Variants in ABCB10 observed in about 807,000 individuals in gnomAD.
The protein encoded by ABCB10 is ATP-binding cassette sub-family B member 10, mitochondrial.
Under a neutral mutation model 65.4 loss-of-function variants are expected in ABCB10, and 54 were observed. The observed-to-expected ratio is 0.83, with a 90% CI of 0.66 to 1.04. The LOEUF (loss-of-function observed/expected upper bound fraction) is 1.04. Among genes scored for constraint, ABCB10 ranks in the 50% least tolerant of loss-of-function variants. The pLI is 0.00. For synonymous variants in ABCB10, 418 were observed against 406.5 expected (o/e 1.03, Z -0.34); for missense variants, 846 against 976.6 (o/e 0.87, Z 1.78).
chr1:229,521,647 AAC>A lies in ABCB10; in HGVS notation c.1907-14_1907-13del, dbSNP rs1662318892. On this transcript the variant is annotated splice_polypyrimidine_tract_variant and intron_variant, in intron 10 of 12. Transcript: ENST00000344517. ...CTGTTTCTGCCCACCTGACAAAGAC[AAC>A]ATTTAAAAAAAGAAGGCCTCAACAA... is the stretch of plus-strand genomic sequence containing the variant. 1.2e-6 allele frequency: 2 copies of A among 1,612,988 alleles called. No individual in the cohort carries two copies. The highest frequency in any genetic ancestry group is 2.7e-5 in the African/African-American group (2 of 74,908).
Position 229,558,224 on chromosome 1 carries a change from G to A in ABCB10, c.429C>T (p.Asp143=), listed in dbSNP as rs772907689. 7.3e-7 allele frequency: 1 copy of A among 1,373,968 alleles called. No individual in the cohort carries two copies. The highest frequency in any genetic ancestry group is 9.4e-7 in the Non-Finnish European group (1 of 1,065,922). The allele number at this position is 1,373,968 out of a possible 1,614,324, so 85.1% of individuals were successfully genotyped here. A position where few individuals can be genotyped will look rare whatever the true frequency, so the allele number is the denominator to read the frequency against. Reference sequence around the variant, plus strand: ...CCGCTGCGGGGCGCAGCCGCCCCTTGTCCCCGGGAGGCGCCGCCGGCCCGC... The same window carrying A: ...CCGCTGCGGGGCGCAGCCGCCCCTTATCCCCGGGAGGCGCCGCCGGCCCGC... ...WRRGPAAPPG[D]KGRLRPAAAG... Residue 143 remains aspartate, a synonymous_variant, in exon 1 of 13, where the codon GAC becomes GAT. Transcript: ENST00000344517.
At chr1:229,530,145 TG>T (rs1352597669) in intron 8 of ABCB10, 53 bp downstream of exon 8, 1 of 1,579,860 alleles carries the variant, frequency 6.3e-7, no homozygotes, top group Non-Finnish European at 8.7e-7. Context: ...GGCGCAAAAG[TG>T]GGAGCAGAGC....
chr1:229,545,509 T>C (rs1662946117), intron 3 of ABCB10, among the ~76,000 whole-genome samples: 2 of 152,226 alleles, frequency 1.3e-5, no homozygotes, highest in South Asian at 2.1e-4. Context: ...GACTGAGACA[T>C]TGACTTTTTA....
At chr1:229,524,459 G>A (rs763810650) in intron 10 of ABCB10, among the ~76,000 whole-genome samples, 2 of 151,926 alleles carry the variant, frequency 1.3e-5, no homozygotes, top group Non-Finnish European at 2.9e-5. Context: ...CACCATGCCC[G>A]GCCAGGAACT....
chr1:229,544,772 G>GC (rs1441453783), intron 3 of ABCB10, among the ~76,000 whole-genome samples: 1 of 152,178 alleles, frequency 6.6e-6, no homozygotes, highest in East Asian at 1.9e-4. Context: ...TAAGTGTGGG[G>GC]CCATGATCCA....
chr1:229,519,943 T>G (rs1487059982), intron 11 of ABCB10, among the ~76,000 whole-genome samples: 1 of 151,748 alleles, frequency 6.6e-6, no homozygotes, highest in Admixed American at 6.6e-5. Flanking sequence ...CTGGGCAAAA[T>G]AGCAAGACCC....
chr1:229,555,269 C>T (rs747382209), intron 1 of ABCB10, among the ~76,000 whole-genome samples: 12 of 152,352 alleles, frequency 7.9e-5, no homozygotes, highest in East Asian at 1.9e-4. Flanking sequence ...CACAGCCAGA[C>T]GGTTCTGATG....
intron 3 of ABCB10, among the ~76,000 whole-genome samples, chr1:229,543,228 T>C (rs1662894025): frequency 6.6e-6 from 1 of 151,978 alleles, no homozygotes. Context: ...GCTGCTTTTA[T>C]GGCTCAGTGG....
In ABCB10 at chr1:229,526,057, A is replaced by G; in HGVS notation, c.1785T>C (p.Pro595=). The G allele has an allele frequency of 6.2e-7, 1 of 1,614,240 alleles. No individual in the cohort carries two copies. Among genetic ancestry groups the G allele is most frequent in the East Asian group, 2.2e-5 (1 of 44,882 alleles). ...AENIAYGADD[P]SSVTAEEIQR... ...GGATTTCCTCAGCGGTCACAGAGGA[A>G]GGGTCATCAGCACCATAAGCAATGT... Residue 595 remains proline, a synonymous_variant, in exon 10 of 13, where the codon CCT becomes CCC. Transcript: ENST00000344517.
At chr1:229,557,459 C>A (rs1663283667) in intron 1 of ABCB10, among the ~76,000 whole-genome samples, 1 of 152,202 alleles carries the variant, frequency 6.6e-6, no homozygotes, top group South Asian at 2.1e-4. Flanking sequence ...TTAGATCTTA[C>A]AAGGCCCTTG....
At chr1:229,524,426 G>C (rs927344505) in intron 10 of ABCB10, among the ~76,000 whole-genome samples, 1 of 152,032 alleles carries the variant, frequency 6.6e-6, no homozygotes, top group African/African-American at 2.4e-5. Context: ...GCCTCCCAGA[G>C]TGCTAGGACT....
In ABCB10 at chr1:229,547,504, T is replaced by C; in HGVS notation, c.916A>G (p.Met306Val). 1.2e-6 allele frequency: 2 copies of C among 1,612,472 alleles called. No homozygotes were observed. Among genetic ancestry groups the C allele is most frequent in the Non-Finnish European group, 1.7e-6 (2 of 1,179,850 alleles). Residue 306 changes from methionine to valine, a missense_variant, in exon 3 of 13, where the codon ATG (methionine) becomes GTG (valine). Coordinates refer to ENST00000344517, the MANE Select transcript of ABCB10 (RefSeq NM_012089.3). ...AGAQASVGIS[M>V]MFFVSPNLAT... The stretch of plus-strand genomic sequence containing the variant: ...GGGGAACCAGGCCCACATACCATCA[T>C]ACTGATGCCTACGGAAGCCTGGGCC...
intron 6 of ABCB10, among the ~76,000 whole-genome samples, chr1:229,535,871 A>G (rs1662707219): frequency 6.6e-6 from 1 of 152,114 alleles, no homozygotes; most frequent in Non-Finnish European, 1.5e-5. Context: ...GATTACGGGC[A>G]TGAACCAGCA....
intron 3 of ABCB10, among the ~76,000 whole-genome samples, chr1:229,545,206 C>A (rs928119056): frequency 1.3e-5 from 2 of 152,162 alleles, no homozygotes; most frequent in Non-Finnish European, 2.9e-5. Flanking sequence ...TTCCTGATCC[C>A]CAAAACTATT....
At chr1:229,552,318 C>A in intron 1 of ABCB10, among the ~76,000 whole-genome samples, 1 of 152,156 alleles carries the variant, frequency 6.6e-6, no homozygotes, top group East Asian at 1.9e-4. Context: ...ATTTCAGATT[C>A]CACCACAAGC....
Position 229,540,670 on chromosome 1 carries a change from T to C in ABCB10, c.1139A>G (p.Lys380Arg), listed in dbSNP as rs1271197905. 1.2e-6 allele frequency: 2 copies of C among 1,613,024 alleles called. No homozygotes were observed. Among genetic ancestry groups the C allele is most frequent in the Non-Finnish European group, 8.5e-7 (1 of 1,180,028 alleles). The part of the protein sequence containing the change: ...EMTEIEKYAS[K>R]VDHVMQLARK... ...TGCTAACTGCATTACATGGTCCACT[T>C]TGCTGGCATATTTCTCGATTTCAGT... is the stretch of plus-strand genomic sequence containing the variant. Residue 380 changes from lysine to arginine, a missense_variant, in exon 5 of 13, where the codon AAA (lysine) becomes AGA (arginine). This residue lies in a region of ABCB10 where 632 missense variants were observed against 803.2 expected (regional missense o/e 0.79). Coordinates refer to ENST00000344517, the MANE Select transcript of ABCB10 (RefSeq NM_012089.3).
chr1:229,547,648 G>A lies in ABCB10; in HGVS notation c.772C>T (p.Gln258Ter). The A allele has an allele frequency of 2.5e-6, 4 of 1,614,236 alleles. No individual in the cohort carries two copies. The highest frequency in any genetic ancestry group is 2.2e-5 in the East Asian group (1 of 44,878). Residue 258 changes from glutamine to a stop codon, truncating the protein, a stop_gained, in exon 3 of 13, where the codon CAG becomes TAG. Coordinates refer to ENST00000344517, the MANE Select transcript of ABCB10 (RefSeq NM_012089.3). LOFTEE classifies it high-confidence loss of function. ...RTSLFSSILR[Q>*]EVAFFDKTRT... is the part of the protein sequence containing the mutation. ...GTCTTGTCAAAGAAAGCAACCTCCT[G>A]CCTCAGAATGGAGGAGAATAATGAA...
intron 2 of ABCB10, among the ~76,000 whole-genome samples, chr1:229,548,502 G>A (rs1403606200): frequency 1.3e-5 from 2 of 152,146 alleles, no homozygotes; most frequent in East Asian, 3.9e-4. Context: ...GCAGTGACCT[G>A]CCTGTAAAAA....
At chr1:229,542,612 C>A (rs549174009) in intron 3 of ABCB10, among the ~76,000 whole-genome samples, 1 of 151,042 alleles carries the variant, frequency 6.6e-6, no homozygotes, top group African/African-American at 2.4e-5. Flanking sequence ...AGAAATGTGA[C>A]AAGAAATTGC....
Sources: allele counts gnomAD v4.1 joint callset (sites outside exome capture counted in the v4.1 genomes callset), GRCh38; gene constraint gnomAD v4.1.1; regional missense constraint gnomAD v4.1.1; transcripts MANE v1.5; gene names NCBI Gene and HGNC (gene_info 2026-07-23, HGNC 2026-07-21).